Variants in MYO1D observed in about 807,000 individuals in gnomAD.
MYO1D encodes unconventional myosin-Id.
MYO1D carries 83 observed loss-of-function variants against 122.0 expected under a neutral mutation model. The ratio of observed to expected loss-of-function variants is 0.68; its 90% confidence interval spans 0.57 to 0.82. The LOEUF (loss-of-function observed/expected upper bound fraction) is 0.82, where lower values mean the gene tolerates loss of function less well. MYO1D is among the 40% of genes least tolerant of loss of function. MYO1D has a pLI of 0.00. For missense variants in MYO1D, 1,157 were observed against 1,269.5 expected, an observed-to-expected ratio of 0.91 and a Z score of 1.35; for synonymous variants, 464 against 446.9, an observed-to-expected ratio of 1.04 and a Z score of -0.48.
intron 4 of MYO1D, among the ~76,000 whole-genome samples, chr17:32,773,739 C>CA (rs759618498): frequency 2.6e-5 from 4 of 152,120 alleles, no homozygotes; most frequent in Admixed American, 6.5e-5. Context: ...AATACAAACT[C>CA]AACAATGGTT....
chr17:32,843,506 T>C (rs1214668650), intron 1 of MYO1D, among the ~76,000 whole-genome samples: 7 of 152,238 alleles, frequency 4.6e-5, no homozygotes, highest in Non-Finnish European at 2.9e-5. Context: ...CTACTAGCCT[T>C]ATGTTTATTA....
intron 4 of MYO1D, among the ~76,000 whole-genome samples, chr17:32,773,864 C>T (rs183741228): frequency 2.0e-5 from 3 of 152,266 alleles, no homozygotes; most frequent in East Asian, 3.9e-4. Context: ...TTCTTTTACA[C>T]ATCGGTCCCT....
At chr17:32,506,771 TAAATC>T (rs1177741873) in intron 21 of MYO1D, among the ~76,000 whole-genome samples, 1 of 152,192 alleles carries the variant, frequency 6.6e-6, no homozygotes, top group Non-Finnish European at 1.5e-5. Context: ...ATATGATACA[TAAATC>T]AAATACTAAT....
intron 1 of MYO1D, among the ~76,000 whole-genome samples, chr17:32,787,511 T>C (rs111327543): frequency 0.038 from 5,732 of 151,800 alleles, 348 homozygotes; most frequent in African/African-American, 0.13. Flanking sequence ...CTCCACCTCC[T>C]GGGTTCAAGC....
intron 1 of MYO1D, among the ~76,000 whole-genome samples, chr17:32,841,393 G>C (rs115485293): frequency 0.014 from 2,163 of 152,120 alleles, 44 homozygotes; most frequent in African/African-American, 0.049. Flanking sequence ...TTGAGCCTGG[G>C]GAGGTCAAGA....
intron 20 of MYO1D, among the ~76,000 whole-genome samples, chr17:32,633,235 A>G (rs937694614): frequency 1.3e-5 from 2 of 152,150 alleles, no homozygotes; most frequent in African/African-American, 4.8e-5. Context: ...AAGAATGAAG[A>G]AGGAAAAAAT....
intron 1 of MYO1D, among the ~76,000 whole-genome samples, chr17:32,861,154 C>T (rs921234606): frequency 3.4e-4 from 51 of 150,720 alleles, no homozygotes; most frequent in Non-Finnish European, 5.9e-5. Flanking sequence ...CTGCAAGCTC[C>T]GCCTCCCAGG....
intron 7 of MYO1D, among the ~76,000 whole-genome samples, chr17:32,765,738 G>A (rs1475350480): frequency 1.3e-5 from 2 of 152,138 alleles, no homozygotes; most frequent in African/African-American, 2.4e-5. Context: ...GATTACAGGC[G>A]TGAGCCACCG....
At chr17:32,816,947 C>T (rs188382829) in intron 1 of MYO1D, among the ~76,000 whole-genome samples, 1 of 151,986 alleles carries the variant, frequency 6.6e-6, no homozygotes, top group African/African-American at 2.4e-5. Flanking sequence ...GTAAGAAATG[C>T]CACAGAATAA....
At chr17:32,867,504 T>C (rs1250947546) in intron 1 of MYO1D, among the ~76,000 whole-genome samples, 1 of 151,904 alleles carries the variant, frequency 6.6e-6, no homozygotes, top group African/African-American at 2.4e-5. Flanking sequence ...ACTGTAAGAA[T>C]TCAAGTAGTT....
At chr17:32,711,509 GGTGGTGTGCGCCTGTA>G (rs1292200479) in intron 16 of MYO1D, among the ~76,000 whole-genome samples, 57 of 152,176 alleles carry the variant, frequency 3.7e-4, no homozygotes, top group African/African-American at 1.3e-3. Flanking sequence ...AGCCAGGTGT[GGTGGTGTGCGCCTGTA>G]ATCCCAGCTA....
At chr17:32,555,200 G>A (rs1012026993) in intron 21 of MYO1D, among the ~76,000 whole-genome samples, 1 of 151,962 alleles carries the variant, frequency 6.6e-6, no homozygotes, top group Non-Finnish European at 1.5e-5. Flanking sequence ...CTGTGTCACT[G>A]TTCCTTTCCA....
intron 16 of MYO1D, among the ~76,000 whole-genome samples, chr17:32,699,618 T>C (rs2089220345): frequency 6.6e-6 from 1 of 152,246 alleles, no homozygotes; most frequent in Non-Finnish European, 1.5e-5. Context: ...TATAAAGTCC[T>C]TATCTGTAGA....
chr17:32,648,171 G>C (rs72815036), intron 19 of MYO1D, among the ~76,000 whole-genome samples: 3,480 of 152,122 alleles, frequency 0.023, 68 homozygotes, highest in Middle Eastern at 0.041. Context: ...CCAAAATTGC[G>C]CCACAGCACC....
intron 21 of MYO1D, among the ~76,000 whole-genome samples, chr17:32,547,291 A>T (rs2086972047): frequency 6.6e-6 from 1 of 152,212 alleles, no homozygotes; most frequent in Non-Finnish European, 1.5e-5. Flanking sequence ...TTCAAAGATA[A>T]CCAGCACCTA....
chr17:32,784,979 T>A (rs2090278753), intron 1 of MYO1D, among the ~76,000 whole-genome samples: 1 of 151,866 alleles, frequency 6.6e-6, no homozygotes, highest in African/African-American at 2.4e-5. Context: ...TTTGAGGGAG[T>A]TTACATTTGA....
intron 1 of MYO1D, among the ~76,000 whole-genome samples, chr17:32,856,218 G>A (rs2091026597): frequency 6.6e-6 from 1 of 152,034 alleles, no homozygotes; most frequent in Admixed American, 6.6e-5. Context: ...TCCACAAAAA[G>A]CATAGGAGCC....
intron 21 of MYO1D, among the ~76,000 whole-genome samples, chr17:32,557,943 T>G (rs1052768075): frequency 6.6e-6 from 1 of 152,002 alleles, no homozygotes; most frequent in African/African-American, 2.4e-5. Context: ...CGTAAATGAA[T>G]GGGCATGGCT....
chr17:32,518,139 G>C (rs1180828078), intron 21 of MYO1D, among the ~76,000 whole-genome samples: 1 of 152,214 alleles, frequency 6.6e-6, no homozygotes. Context: ...TCACCCTCTG[G>C]ACAGCACCTG....
Sources: gnomAD v4.1 joint callset for allele counts (sites outside exome capture counted in the v4.1 genomes callset) on GRCh38, gnomAD v4.1.1 for gene constraint, MANE v1.5 for transcripts, NCBI Gene and HGNC (gene_info 2026-07-23, HGNC 2026-07-21) for gene names.